The following SMG6 variants were observed in gnomAD, a reference collection of about 807,000 sequenced individuals.
SMG6 encodes telomerase-binding protein EST1A.
Under a neutral mutation model 142.2 loss-of-function variants are expected in SMG6, and 66 were observed. The ratio of observed to expected loss-of-function variants is 0.46; its 90% CI spans 0.38 to 0.57. The LOEUF (loss-of-function observed/expected upper bound fraction) is 0.57, where lower values mean the gene tolerates loss of function less well. SMG6 is among the 20% of genes least tolerant of loss of function. SMG6 has a pLI of 0.00. For synonymous variants in SMG6, 779 were observed against 702.4 expected (o/e 1.11, Z -1.72); for missense variants, 1,793 against 1,832.0 (o/e 0.98, Z 0.39).
intron 10 of SMG6, among the ~76,000 whole-genome samples, chr17:2,217,748 C>A (rs949835663): frequency 6.6e-6 from 1 of 152,120 alleles, no homozygotes; most frequent in Non-Finnish European, 1.5e-5. Flanking sequence ...CGGTGGCTCA[C>A]GCCTGCAATC....
At chr17:2,137,363 A>AC (rs1204650839) in intron 13 of SMG6, among the ~76,000 whole-genome samples, 1 of 152,008 alleles carries the variant, frequency 6.6e-6, no homozygotes, top group African/African-American at 2.4e-5. Context: ...AAACACCCTA[A>AC]CCTTGATGAC....
chr17:2,091,322 C>T (rs745540547), intron 13 of SMG6, among the ~76,000 whole-genome samples: 9 of 152,262 alleles, frequency 5.9e-5, no homozygotes, highest in Non-Finnish European at 1.0e-4. Flanking sequence ...AAGGCAGGAG[C>T]GAAACTGGCC....
intron 10 of SMG6, among the ~76,000 whole-genome samples, chr17:2,205,805 G>GTA (rs2072660536): frequency 6.6e-6 from 1 of 152,094 alleles, no homozygotes; most frequent in African/African-American, 2.4e-5. Context: ...ATATATATGT[G>GTA]TATATATATT....
At chr17:2,176,978 T>C (rs1363914904) in intron 12 of SMG6, among the ~76,000 whole-genome samples, 2 of 152,216 alleles carry the variant, frequency 1.3e-5, no homozygotes, top group Admixed American at 6.5e-5. Flanking sequence ...TGCTGGCCGA[T>C]ACAATGCAGC....
At chr17:2,249,728 A>G (rs955858238) in intron 8 of SMG6, among the ~76,000 whole-genome samples, 4 of 152,194 alleles carry the variant, frequency 2.6e-5, no homozygotes, top group Non-Finnish European at 2.9e-5. Context: ...TCTTCCTTAC[A>G]TATTTACCTA....
chr17:2,112,346 T>C (rs2069350905), intron 13 of SMG6, among the ~76,000 whole-genome samples: 2 of 149,326 alleles, frequency 1.3e-5, no homozygotes, highest in Admixed American at 6.7e-5. Flanking sequence ...CTACTAAAAA[T>C]ACAAAAAAAA....
intron 8 of SMG6, among the ~76,000 whole-genome samples, chr17:2,282,390 C>CAAAAAAAAAAAAAA (rs576759563): frequency 2.4e-5 from 2 of 84,524 alleles, no homozygotes; most frequent in Non-Finnish European, 4.6e-5. Context: ...CAAAAAGCAG[C>CAAAAAAAAAAAAAA]AAAAAAAAAA....
chr17:2,087,209 A>G, intron 13 of SMG6: 1 of 1,290,382 alleles, frequency 7.7e-7, no homozygotes, highest in South Asian at 1.2e-5. Flanking sequence ...CAAGCTGTGC[A>G]CACAGTAGGC....
At chr17:2,222,996 A>G (rs757396244) in intron 10 of SMG6, among the ~76,000 whole-genome samples, 8 of 152,210 alleles carry the variant, frequency 5.3e-5, no homozygotes, top group Non-Finnish European at 1.0e-4. Flanking sequence ...TGGAACAGAC[A>G]GTGATAACAG....
rs1427883376 is a variant in SMG6 at position 2,065,497 on chromosome 17, A to G, written c.4018T>C (p.Phe1340Leu). The G allele has an allele frequency of 1.8e-5, 29 of 1,613,346 alleles. No homozygotes were observed. Among genetic ancestry groups the G allele is most frequent in the Non-Finnish European group, 1.8e-5 (21 of 1,179,980 alleles). ...TGGCCAGTGATGTCCTCACTGCGGA[A>G]GGCGATGGATTCGAGTTCATTGCCA... ...SRGNELESIA[F>L]RSEDITGQLG... is the part of the protein sequence containing the mutation. Residue 1340 changes from phenylalanine (F) to leucine (L), a missense_variant, in exon 17 of 19, where the codon TTC becomes CTC. By Grantham distance (22) the Phe-to-Leu change is conservative (BLOSUM62 0). Transcript: ENST00000263073.
At chr17:2,072,467 T>A (rs78581919) in intron 15 of SMG6, among the ~76,000 whole-genome samples, 1 of 152,326 alleles carries the variant, frequency 6.6e-6, no homozygotes, top group African/African-American at 2.4e-5. Flanking sequence ...TATGGGAGTT[T>A]CCTGGAGCAA....
intron 6 of SMG6, among the ~76,000 whole-genome samples, chr17:2,289,719 T>G (rs1320073093): frequency 3.9e-5 from 6 of 151,934 alleles, no homozygotes; most frequent in Non-Finnish European, 8.8e-5. Flanking sequence ...AAGACCAGCC[T>G]GGCCAACATG....
chr17:2,145,647 A>AAAAG (rs1365432385), intron 13 of SMG6, among the ~76,000 whole-genome samples: 5 of 147,826 alleles, frequency 3.4e-5, no homozygotes, highest in Non-Finnish European at 6.0e-5. Context: ...TCTCCCCAAA[A>AAAAG]AAAAAAAAAA....
intron 8 of SMG6, among the ~76,000 whole-genome samples, chr17:2,281,505 C>G (rs992698852): frequency 2.0e-5 from 3 of 152,176 alleles, no homozygotes; most frequent in Non-Finnish European, 4.4e-5. Context: ...TGACTTGTGT[C>G]TGTTCACTTC....
At chr17:2,204,171 A>G (rs1450726159) in intron 10 of SMG6, among the ~76,000 whole-genome samples, 1 of 152,148 alleles carries the variant, frequency 6.6e-6, no homozygotes, top group Non-Finnish European at 1.5e-5. Flanking sequence ...ACAACGCCAA[A>G]AATAAAACAA....
chr17:2,146,172 G>C (rs768736529), intron 13 of SMG6, among the ~76,000 whole-genome samples: 23 of 152,262 alleles, frequency 1.5e-4, no homozygotes, highest in Non-Finnish European at 3.1e-4. Flanking sequence ...ACCTAGTGAA[G>C]CATGTGGAAG....
intron 13 of SMG6, among the ~76,000 whole-genome samples, chr17:2,140,891 G>A (rs2070457837): frequency 6.6e-6 from 1 of 152,148 alleles, no homozygotes; most frequent in African/African-American, 2.4e-5. Context: ...GGAATCACCT[G>A]GAGAGCTTGT....
At position 2,269,169 on chromosome 17, in the gene SMG6, G is replaced by A. The variant is rs562881291; in HGVS notation, c.2661+13478C>T. On this transcript the variant is annotated intron_variant, in intron 8 of 18. Transcript: ENST00000263073. ...TGGGAGGCGGAGCTTGCAGTGAGCC[G>A]AGATCGCAGCACTGCACTCCAGCCT... Among the ~76,000 whole-genome samples, 233 of 146,184 alleles carry A rather than the reference G, an allele frequency of 1.6e-3. 1 individual carries two copies. The highest frequency in any genetic ancestry group is 5.6e-3 in the African/African-American group (221 of 39,152).
Position 2,085,756 on chromosome 17 carries a change from C to A in SMG6, c.3503G>T (p.Gly1168Val). ...PVPDTMGKEMGSQEGTRLEDE... is the reference protein window; with the variant it reads ...PVPDTMGKEMVSQEGTRLEDE... ...TTCCAGTCGTGTTCCCTCTTGGCTTCCCATTTCCTTTCCCATGGTGTCTGG... is the reference window on the plus strand; with the variant it reads ...TTCCAGTCGTGTTCCCTCTTGGCTTACCATTTCCTTTCCCATGGTGTCTGG... The change falls in exon 14 of 19, where the codon GGA becomes GTA. Residue 1168 changes from glycine to valine, a missense_variant. Physicochemically the swap from Gly to Val is moderately radical, Grantham distance 109 (BLOSUM62 -3). This residue lies in a region of SMG6 where 1,597 missense variants were observed against 1,584.6 expected (regional missense o/e 1.01). Coordinates refer to ENST00000263073, the MANE Select transcript of SMG6 (RefSeq NM_017575.5). This position sits in a 1 kb window ranked among gnomAD's most constrained non-coding sequence, Gnocchi z 4.1. 1 of 1,614,132 alleles carries A rather than the reference C, an allele frequency of 6.2e-7. No homozygotes were observed. Among genetic ancestry groups the A allele is most frequent in the Non-Finnish European group, 8.5e-7 (1 of 1,180,000 alleles).
Sources: allele counts gnomAD v4.1 joint callset (sites outside exome capture counted in the v4.1 genomes callset), GRCh38; gene constraint gnomAD v4.1.1; regional missense constraint gnomAD v4.1.1; non-coding constraint Gnocchi (gnomAD v3.1); transcripts MANE v1.5; gene names NCBI Gene and HGNC (gene_info 2026-07-23, HGNC 2026-07-21).